The following LYRM4 variants were observed in gnomAD, a reference collection of about 807,000 sequenced individuals.
The protein encoded by LYRM4 is LYR motif-containing protein 4.
Under a neutral mutation model 11.7 loss-of-function variants are expected in LYRM4, and 9 were observed. The ratio of observed to expected loss-of-function variants is 0.77; its 90% CI spans 0.46 to 1.34. The LOEUF is 1.34. Ranked by LOEUF, LYRM4 falls within the 40% of genes most tolerant of loss-of-function variation. LYRM4 has a pLI of 0.00. For missense variants in LYRM4, 133 were observed against 112.5 expected (o/e 1.18, Z -0.82); for synonymous variants, 42 against 40.4 (o/e 1.04, Z -0.15).
the LYRM4 span, among the ~76,000 whole-genome samples, chr6:5,044,224 G>C: frequency 2.0e-5 from 3 of 152,110 alleles, no homozygotes; most frequent in African/African-American, 7.2e-5. Context: ...TGCCTCCTGG[G>C]TTCACCTGTG....
At chr6:5,138,487 CAAAAAAAAAAAAAAAAA>C (rs765741377) in intron 2 of LYRM4, among the ~76,000 whole-genome samples, 3 of 49,684 alleles carry the variant, frequency 6.0e-5, no homozygotes, top group African/African-American at 1.7e-4. Flanking sequence ...ACCCTGTCTC[CAAAAAAAAAAAAAAAAA>C]AAAAAAAAAA....
the LYRM4 span, among the ~76,000 whole-genome samples, chr6:5,067,980 C>G: frequency 2.0e-5 from 3 of 152,214 alleles, no homozygotes; most frequent in South Asian, 6.2e-4. Context: ...TACTTAAAAT[C>G]TCCTCACAAG....
At chr6:5,246,572 G>C (rs755870446) in intron 1 of LYRM4, among the ~76,000 whole-genome samples, 8 of 152,322 alleles carry the variant, frequency 5.3e-5, no homozygotes, top group East Asian at 1.9e-4. Context: ...GTGCAGGGGG[G>C]ACTGAGAGTG....
chr6:5,086,924 G>A, the LYRM4 span: 1 of 277,560 alleles, frequency 3.6e-6, no homozygotes, highest in Non-Finnish European at 6.8e-6. Context: ...CTAAGGCCTT[G>A]GGATTGGTTT....
chr6:5,229,993 T>G (rs1763137360), intron 1 of LYRM4, among the ~76,000 whole-genome samples: 2 of 152,250 alleles, frequency 1.3e-5, no homozygotes, highest in African/African-American at 4.8e-5. Flanking sequence ...ACTGACATTT[T>G]GTTGCAAACA....
At chr6:5,159,211 G>A (rs534715155) in intron 2 of LYRM4, among the ~76,000 whole-genome samples, 7 of 152,198 alleles carry the variant, frequency 4.6e-5, no homozygotes, top group Non-Finnish European at 8.8e-5. Context: ...GCAGGGGGGT[G>A]GGCCCCAGAC....
the LYRM4 span, among the ~76,000 whole-genome samples, chr6:5,058,498 ACAC>A: frequency 1.3e-5 from 2 of 152,150 alleles, no homozygotes; most frequent in Non-Finnish European, 2.9e-5. Flanking sequence ...TGCACCCGCC[ACAC>A]AGTGGTTCCC....
In LYRM4 at chr6:5,143,323, C is replaced by T. The variant is rs144466835; in HGVS notation, c.208-33832G>A. On this transcript the variant is annotated intron_variant, in intron 2 of 2. Coordinates refer to ENST00000330636, the MANE Select transcript of LYRM4 (RefSeq NM_020408.6). ...TATGGCAACCTCTGGGGCACAGTTT[C>T]GCCACTGGGGATGGTCTTCAGGCCC... Among the ~76,000 whole-genome samples, 803 of 152,262 alleles carry T rather than the reference C, an allele frequency of 5.3e-3. 9 individuals carry two copies. The highest frequency in any genetic ancestry group is 0.018 in the African/African-American group (766 of 41,550).
chr6:5,033,168 CCAGA>C, the LYRM4 span: 2 of 147,378 alleles, frequency 1.4e-5, no homozygotes, highest in East Asian at 3.9e-4. Context: ...ATCCCCACGC[CCAGA>C]CAGACTCTTC....
chr6:5,231,839 T>A (rs532143711), intron 1 of LYRM4, among the ~76,000 whole-genome samples: 1 of 152,356 alleles, frequency 6.6e-6, no homozygotes, highest in African/African-American at 2.4e-5. Flanking sequence ...AAATAACTTG[T>A]TACAGCATCT....
intron 2 of LYRM4, among the ~76,000 whole-genome samples, chr6:5,200,274 T>G (rs1274387630): frequency 6.6e-6 from 1 of 152,182 alleles, no homozygotes; most frequent in East Asian, 1.9e-4. Context: ...TCCCAAAGAA[T>G]GTTAAATAAC....
chr6:5,109,017 A>G lies in LYRM4; in HGVS notation c.*406T>C. ...CCCAACAGCCCTCTCCAGGCCTTGTATCAGTAGGAAATGAAAATGCATTAA... is the reference window on the plus strand; with the variant it reads ...CCCAACAGCCCTCTCCAGGCCTTGTGTCAGTAGGAAATGAAAATGCATTAA... On this transcript the variant is annotated 3_prime_UTR_variant, in exon 3 of 3. Coordinates refer to ENST00000330636, the MANE Select transcript of LYRM4 (RefSeq NM_020408.6). 9.9e-7 allele frequency: 1 copy of G among 1,008,578 alleles called. No individual in the cohort carries two copies. Among genetic ancestry groups the G allele is most frequent in the Non-Finnish European group, 1.2e-6 (1 of 842,764 alleles). 62.5% of individuals were successfully genotyped at this position (1,008,578 alleles called of 1,614,324 possible).
intron 2 of LYRM4, among the ~76,000 whole-genome samples, chr6:5,201,264 G>A (rs1561866933): frequency 6.6e-6 from 1 of 152,054 alleles, no homozygotes; most frequent in Non-Finnish European, 1.5e-5. Flanking sequence ...CAAGGATGGG[G>A]ACAAGTGATC....
the LYRM4 span, among the ~76,000 whole-genome samples, chr6:5,075,591 G>C: frequency 1.3e-5 from 2 of 152,304 alleles, no homozygotes; most frequent in East Asian, 3.9e-4. Context: ...TGGACAAGAA[G>C]ACATTATAAT....
At chr6:5,036,838 C>T in the LYRM4 span, among the ~76,000 whole-genome samples, 100 of 152,270 alleles carry the variant, frequency 6.6e-4, no homozygotes, top group Middle Eastern at 0.01. Flanking sequence ...GCACGGGATA[C>T]GCTCAAGTTA....
At chr6:5,202,995 C>G (rs1390522599) in intron 2 of LYRM4, among the ~76,000 whole-genome samples, 1 of 152,120 alleles carries the variant, frequency 6.6e-6, no homozygotes, top group Non-Finnish European at 1.5e-5. Flanking sequence ...GAACGACATA[C>G]AACACTAATA....
chr6:5,109,982 G>A (rs78028250), intron 2 of LYRM4, among the ~76,000 whole-genome samples: 1,780 of 152,360 alleles, frequency 0.012, 34 homozygotes, highest in African/African-American at 0.04. Context: ...GTCGAGGGCA[G>A]TTGTCTGAGT....
At chr6:5,140,487 C>T (rs1026026160) in intron 2 of LYRM4, among the ~76,000 whole-genome samples, 4 of 152,124 alleles carry the variant, frequency 2.6e-5, no homozygotes, top group African/African-American at 7.2e-5. Context: ...AAGGCTGTGG[C>T]GTTGAAGGAC....
At chr6:5,218,319 C>G in intron 1 of LYRM4, 1 of 985,018 alleles carries the variant, frequency 1.0e-6, no homozygotes, top group Non-Finnish European at 1.2e-6. Context: ...GAAATACAGG[C>G]AAAGAAATGA....
Sources: allele counts gnomAD v4.1 joint callset (sites outside exome capture counted in the v4.1 genomes callset), GRCh38; gene constraint gnomAD v4.1.1; transcripts MANE v1.5; gene names NCBI Gene and HGNC (gene_info 2026-07-23, HGNC 2026-07-21).